ASS1: variants seen among roughly 807,000 people sequenced by gnomAD.
ASS1 encodes argininosuccinate synthase.
ASS1 carries 58 observed loss-of-function variants against 60.5 expected under a neutral mutation model. That is an observed-to-expected ratio of 0.96 (90% confidence interval 0.78 to 1.19). ASS1 has a LOEUF of 1.19. Among genes scored for constraint, ASS1 ranks in the 50% most tolerant of loss-of-function variants. The pLI, the probability that ASS1 is intolerant of heterozygous loss-of-function variation, is 0.00. For synonymous variants in ASS1, 200 were observed against 206.9 expected (o/e 0.97, Z 0.29); for missense variants, 454 against 547.3 (o/e 0.83, Z 1.70).
chr9:130,475,043 G>A (rs1485903161), intron 8 of ASS1, among the ~76,000 whole-genome samples: 1 of 152,248 alleles, frequency 6.6e-6, no homozygotes, highest in Admixed American at 6.5e-5. Flanking sequence ...CACAGTCCCT[G>A]TCTTAGAAGG....
intron 14 of ASS1, 115 bp downstream of exon 14, chr9:130,499,685 C>A: frequency 1.0e-6 from 1 of 992,468 alleles, no homozygotes; most frequent in Non-Finnish European, 1.6e-6. Flanking sequence ...GCTGCCCTGC[C>A]CTGCCCTGCC....
At chr9:130,453,836 G>A (rs1162108113) in intron 2 of ASS1, among the ~76,000 whole-genome samples, 1 of 152,224 alleles carries the variant, frequency 6.6e-6, no homozygotes, top group Non-Finnish European at 1.5e-5. Flanking sequence ...CTGAGCACGG[G>A]CTTCTCTGCC....
Position 130,458,527 on chromosome 9 carries a change from A to G in ASS1, c.301A>G (p.Lys101Glu). The change falls in exon 4 of 15, where the codon AAA (lysine) becomes GAA (glutamate). Residue 101 changes from lysine (K) to glutamate (E), a missense_variant. By Grantham distance (56) the Lys-to-Glu change is moderately conservative. Transcript: ENST00000352480. ...TCTTGCCAGGCCCTGCATCGCCCGC[A>G]AACAAGTGGAAATCGCCCAGCGGGA... is the stretch of plus-strand genomic sequence containing the variant. ...TSLARPCIAR[K>E]QVEIAQREGA... The G allele has an allele frequency of 6.2e-7, 1 of 1,613,308 alleles. No individual in the cohort carries two copies. The highest frequency in any genetic ancestry group is 8.5e-7 in the Non-Finnish European group (1 of 1,179,880).
intron 3 of ASS1, among the ~76,000 whole-genome samples, chr9:130,455,256 A>G (rs573604049): frequency 6.5e-4 from 97 of 149,674 alleles, no homozygotes; most frequent in African/African-American, 2.4e-3. Flanking sequence ...TCATCCATCC[A>G]TCATCTATCC....
intron 12 of ASS1, among the ~76,000 whole-genome samples, chr9:130,493,317 C>T (rs896800743): frequency 2.6e-5 from 4 of 152,234 alleles, no homozygotes; most frequent in Non-Finnish European, 5.9e-5. Flanking sequence ...AAATGCAAAA[C>T]GCTTTGCGCT....
chr9:130,472,049 T>C (rs1222355249), intron 8 of ASS1, among the ~76,000 whole-genome samples: 1 of 152,164 alleles, frequency 6.6e-6, no homozygotes, highest in East Asian at 1.9e-4. Flanking sequence ...AGTTTCGGGT[T>C]TCTCTCCCGG....
chr9:130,491,721 G>T lies in ASS1; in HGVS notation c.970+2257G>T, dbSNP rs1305877047. On this transcript the variant is annotated intron_variant, in intron 12 of 14. Transcript: ENST00000352480. The surrounding 1 kb of genome is among the most constrained non-coding windows in gnomAD (Gnocchi z 5.3). ...TCCCTGCTCTGACAGCCAGCGACAA[G>T]CCCTCTACATCCCAAACTGAGGTAC... Among the ~76,000 whole-genome samples, 1 of 152,190 alleles carries T rather than the reference G, an allele frequency of 6.6e-6. No individual in the cohort carries two copies. Among genetic ancestry groups the T allele is most frequent in the Non-Finnish European group, 1.5e-5 (1 of 68,022 alleles).
intron 6 of ASS1, among the ~76,000 whole-genome samples, chr9:130,467,045 C>A (rs373463553): frequency 6.6e-6 from 1 of 152,216 alleles, no homozygotes; most frequent in African/African-American, 2.4e-5. Context: ...CCCAGTCCCC[C>A]GAGCCAGAGG....
Position 130,489,328 on chromosome 9 carries a change from G to T in ASS1, c.839-5G>T. ...CCTTTTCCCCCTGCCTGGAAAAATGGCTAGGTATCTACGAGACCCCAGCAG... is the reference window on the plus strand; with the variant it reads ...CCTTTTCCCCCTGCCTGGAAAAATGTCTAGGTATCTACGAGACCCCAGCAG... On this transcript the variant is annotated splice_region_variant and splice_polypyrimidine_tract_variant and intron_variant, in intron 11 of 14. Coordinates refer to ENST00000352480, the MANE Select transcript of ASS1 (RefSeq NM_054012.4). The surrounding 1 kb of genome is among the most constrained non-coding windows in gnomAD (Gnocchi z 4.1). 3.1e-6 allele frequency: 5 copies of T among 1,613,520 alleles called. No homozygotes were observed. The highest frequency in any genetic ancestry group is 2.5e-6 in the Non-Finnish European group (3 of 1,179,904).
In ASS1 at chr9:130,454,286, C is replaced by G; in HGVS notation, c.106-19C>G. 2 of 1,606,904 alleles carry G rather than the reference C, an allele frequency of 1.2e-6. No individual in the cohort carries two copies. Among genetic ancestry groups the G allele is most frequent in the South Asian group, 2.2e-5 (2 of 89,922 alleles). On this transcript the variant is annotated intron_variant, in intron 2 of 14. Coordinates refer to ENST00000352480, the MANE Select transcript of ASS1 (RefSeq NM_054012.4). ...CTCCCCCCAGGGGCTGACGGAGCCT[C>G]TCCGCTTCTGCTTCTCAGGCCAACA...
At position 130,476,092 on chromosome 9, in the gene ASS1, C is replaced by A. The variant is rs984376473; in HGVS notation, c.598-779C>A. ...GGTTTTTAAAGCAAAGATGAGACAG[C>A]AGTTCCTGGATGTCAGCAGGTGAAC... On this transcript the variant is annotated intron_variant, in intron 8 of 14. Coordinates refer to ENST00000352480, the MANE Select transcript of ASS1 (RefSeq NM_054012.4). This position sits in a 1 kb window ranked among gnomAD's most constrained non-coding sequence, Gnocchi z 4.9. Among the ~76,000 whole-genome samples the A allele has an allele frequency of 1.2e-4, 18 of 152,174 alleles. No homozygotes were observed. The highest frequency in any genetic ancestry group is 2.4e-4 in the Non-Finnish European group (16 of 68,034).
At chr9:130,492,483 C>A (rs1277504436) in intron 12 of ASS1, among the ~76,000 whole-genome samples, 1 of 152,188 alleles carries the variant, frequency 6.6e-6, no homozygotes, top group African/African-American at 2.4e-5. Context: ...ATCTGTGTGT[C>A]TGTGTGTGGC....
At chr9:130,495,130 G>A (rs1846551350) in intron 13 of ASS1, 107 bp downstream of exon 13, 1 of 1,424,144 alleles carries the variant, frequency 7.0e-7, no homozygotes, top group Non-Finnish European at 9.6e-7. Context: ...ACCATGCAGA[G>A]CACAGAGTGA....
In ASS1 at chr9:130,480,445, C is replaced by T; in HGVS notation, c.834C>T (p.Ser278=). ...AGAACCGCTTCATTGGAATGAAGTC[C>T]CGAGGTGAGTCTGCTCAGCCTCCCT... ...IVENRFIGMK[S]RGIYETPAGT... The change falls in exon 11 of 15, where the codon TCC becomes TCT. Residue 278 remains serine (S), a synonymous_variant. Transcript: ENST00000352480. 1 of 1,614,052 alleles carries T rather than the reference C, an allele frequency of 6.2e-7. No individual in the cohort carries two copies. The highest frequency in any genetic ancestry group is 8.5e-7 in the Non-Finnish European group (1 of 1,179,998).
At chr9:130,479,255 G>T (rs999672686) in intron 9 of ASS1, among the ~76,000 whole-genome samples, 2 of 152,084 alleles carry the variant, frequency 1.3e-5, no homozygotes, top group African/African-American at 4.8e-5. Context: ...GGGGCGCGGG[G>T]TCCGCCTGAC....
chr9:130,472,988 C>T (rs1486804378), intron 8 of ASS1, among the ~76,000 whole-genome samples: 1 of 152,184 alleles, frequency 6.6e-6, no homozygotes, highest in African/African-American at 2.4e-5. Flanking sequence ...ATCACCCCCT[C>T]GGACCGTGCA....
In ASS1 at chr9:130,489,663, T is replaced by G. The variant is rs1438608164; in HGVS notation, c.970+199T>G. 2.0e-5 allele frequency among the ~76,000 whole-genome samples: 3 copies of G among 152,182 alleles called. No individual in the cohort carries two copies. The highest frequency in any genetic ancestry group is 2.9e-5 in the Non-Finnish European group (2 of 68,020). Reference sequence around the variant, plus strand: ...TGCAGGGCATGAGGGAGCAAGGGGATGCTAGAACCTGCCTTGCCATGGGGT... The same window carrying G: ...TGCAGGGCATGAGGGAGCAAGGGGAGGCTAGAACCTGCCTTGCCATGGGGT... On this transcript the variant is annotated intron_variant, in intron 12 of 14. Coordinates refer to ENST00000352480, the MANE Select transcript of ASS1 (RefSeq NM_054012.4). The surrounding 1 kb of genome is among the most constrained non-coding windows in gnomAD (Gnocchi z 4.1).
chr9:130,499,415 G>A, intron 13 of ASS1, 90 bp from the exon 14 acceptor site: 2 of 1,351,342 alleles, frequency 1.5e-6, no homozygotes, highest in Non-Finnish European at 2.1e-6. Context: ...CTGGCATCTG[G>A]GAGGTGGGGC....
At chr9:130,485,521 A>C (rs948399683) in intron 11 of ASS1, among the ~76,000 whole-genome samples, 21 of 152,256 alleles carry the variant, frequency 1.4e-4, no homozygotes, top group Non-Finnish European at 2.8e-4. Flanking sequence ...ACTGCCCTAC[A>C]GTTGGCCGAG....
Sources: gnomAD v4.1 joint callset for allele counts (sites outside exome capture counted in the v4.1 genomes callset) on GRCh38, gnomAD v4.1.1 for gene constraint, Gnocchi (gnomAD v3.1) non-coding constraint, MANE v1.5 for transcripts, NCBI Gene and HGNC (gene_info 2026-07-23, HGNC 2026-07-21) for gene names.